The following LRRTM4 variants were observed in gnomAD, a reference collection of about 807,000 sequenced individuals.
LRRTM4 encodes leucine-rich repeat transmembrane neuronal protein 4.
Under a neutral mutation model 47.6 loss-of-function variants are expected in LRRTM4, and 25 were observed. The ratio of observed to expected loss-of-function variants is 0.53; its 90% CI spans 0.38 to 0.73. The LOEUF is 0.73. Ranked by LOEUF, LRRTM4 falls within the 30% of genes least tolerant of loss-of-function variation. The probability of loss-of-function intolerance (pLI) is 0.00; values close to 1 mark genes in which losing one functional copy is unlikely to be tolerated. For synonymous variants in LRRTM4, 311 were observed against 269.5 expected, an observed-to-expected ratio of 1.15 and a Z score of -1.51; for missense variants, 638 against 713.4, an observed-to-expected ratio of 0.89 and a Z score of 1.20.
At chr2:76,823,744 T>C (rs1444572940) in intron 3 of LRRTM4, among the ~76,000 whole-genome samples, 1 of 151,468 alleles carries the variant, frequency 6.6e-6, no homozygotes, top group African/African-American at 2.4e-5. Flanking sequence ...TTTAGTGATA[T>C]ACACATTAAG....
chr2:77,178,067 A>G (rs903901987), intron 3 of LRRTM4, among the ~76,000 whole-genome samples: 2 of 152,340 alleles, frequency 1.3e-5, no homozygotes, highest in East Asian at 3.9e-4. Context: ...TGCCTGACAT[A>G]CAGCAAGTGC....
intron 3 of LRRTM4, among the ~76,000 whole-genome samples, chr2:77,021,110 GTATCTATCTATC>G (rs36108858): frequency 6.6e-6 from 1 of 150,920 alleles, no homozygotes; most frequent in African/African-American, 2.4e-5. Context: ...ATCTATCTAT[GTATCTATCTATC>G]TATCTATCTA....
intron 3 of LRRTM4, among the ~76,000 whole-genome samples, chr2:77,507,331 G>C (rs1678813731): frequency 2.6e-5 from 4 of 152,046 alleles, no homozygotes; most frequent in Non-Finnish European, 5.9e-5. Context: ...AAAACTCAGT[G>C]AGAAAGAGAA....
At chr2:77,112,347 T>C (rs1671274201) in intron 3 of LRRTM4, among the ~76,000 whole-genome samples, 1 of 152,240 alleles carries the variant, frequency 6.6e-6, no homozygotes, top group South Asian at 2.1e-4. Flanking sequence ...GCCACCAGTT[T>C]CTACTGAGAT....
intron 3 of LRRTM4, among the ~76,000 whole-genome samples, chr2:76,934,399 A>G (rs1674872174): frequency 6.6e-6 from 1 of 152,186 alleles, no homozygotes; most frequent in Admixed American, 6.6e-5. Context: ...TATGACAGTA[A>G]TGTGACTAGG....
intron 3 of LRRTM4, among the ~76,000 whole-genome samples, chr2:76,854,163 G>A (rs1212927762): frequency 6.6e-6 from 1 of 152,076 alleles, no homozygotes; most frequent in Admixed American, 6.6e-5. Context: ...TATGATTACT[G>A]TAAAGCAGTA....
chr2:77,267,697 A>G (rs890776746), intron 3 of LRRTM4, among the ~76,000 whole-genome samples: 1 of 25,446 alleles, frequency 3.9e-5, no homozygotes, highest in Non-Finnish European at 6.0e-5. Context: ...GTTCTTCCAG[A>G]ATATTTTTTT....
chr2:76,940,515 T>C (rs1394923823), intron 3 of LRRTM4, among the ~76,000 whole-genome samples: 1 of 151,954 alleles, frequency 6.6e-6, no homozygotes, highest in African/African-American at 2.4e-5. Flanking sequence ...AGGGAGGGGA[T>C]CAGGAAAAAT....
intron 3 of LRRTM4, among the ~76,000 whole-genome samples, chr2:76,913,449 T>G (rs11903703): frequency 9.2e-5 from 14 of 152,042 alleles, no homozygotes. Flanking sequence ...AACCTTTACA[T>G]TGAAAATGTT....
chr2:77,160,107 T>A (rs1209645410), intron 3 of LRRTM4, among the ~76,000 whole-genome samples: 1 of 152,202 alleles, frequency 6.6e-6, no homozygotes, highest in Non-Finnish European at 1.5e-5. Flanking sequence ...AGCCCTCACC[T>A]TTTTTGCCAT....
intron 3 of LRRTM4, among the ~76,000 whole-genome samples, chr2:77,360,453 A>G (rs1348425776): frequency 1.3e-5 from 2 of 151,022 alleles, no homozygotes; most frequent in Non-Finnish European, 2.9e-5. Context: ...GCGAGACTCC[A>G]TCTCAAAAAA....
At chr2:76,968,031 G>C (rs1332168738) in intron 3 of LRRTM4, among the ~76,000 whole-genome samples, 1 of 150,602 alleles carries the variant, frequency 6.6e-6, no homozygotes, top group Admixed American at 6.6e-5. Flanking sequence ...AGGCAAAAAT[G>C]GATAAAAAGA....
At chr2:77,420,623 G>GATATAT (rs148530177) in intron 3 of LRRTM4, among the ~76,000 whole-genome samples, 8 of 145,938 alleles carry the variant, frequency 5.5e-5, no homozygotes, top group African/African-American at 2.0e-4. Flanking sequence ...TAGTGTATGT[G>GATATAT]ATATATATAT....
intron 3 of LRRTM4, among the ~76,000 whole-genome samples, chr2:77,415,428 G>C (rs534346324): frequency 6.6e-6 from 1 of 152,070 alleles, no homozygotes; most frequent in East Asian, 1.9e-4. Flanking sequence ...TGTCAGTTTT[G>C]TAACTATCAA....
At chr2:77,147,998 A>G (rs141915633) in intron 3 of LRRTM4, among the ~76,000 whole-genome samples, 2 of 152,268 alleles carry the variant, frequency 1.3e-5, no homozygotes, top group African/African-American at 2.4e-5. Context: ...CATAATGGAA[A>G]AAATTTGCAA....
intron 3 of LRRTM4, among the ~76,000 whole-genome samples, chr2:77,360,540 ACAAT>A (rs1431090993): frequency 3.8e-5 from 5 of 131,692 alleles, no homozygotes; most frequent in African/African-American, 1.2e-4. Context: ...ACGATACAAT[ACAAT>A]CATTCATACA....
chr2:76,895,752 T>C (rs1234182025), intron 3 of LRRTM4, among the ~76,000 whole-genome samples: 1 of 151,488 alleles, frequency 6.6e-6, no homozygotes, highest in Non-Finnish European at 1.5e-5. Flanking sequence ...ACATTGGTGG[T>C]GATGAGCCCA....
chr2:77,419,933 G>A (rs1197874736), intron 3 of LRRTM4, among the ~76,000 whole-genome samples: 1 of 152,124 alleles, frequency 6.6e-6, no homozygotes, highest in African/African-American at 2.4e-5. Flanking sequence ...TTGTACTGTA[G>A]CCCCATTCCC....
At chr2:77,348,456 T>A (rs1671646802) in intron 3 of LRRTM4, among the ~76,000 whole-genome samples, 1 of 150,650 alleles carries the variant, frequency 6.6e-6, no homozygotes, top group Admixed American at 6.6e-5. Context: ...TTTAATATTA[T>A]AAAATAAAAT....
Sources: gnomAD v4.1 joint callset for allele counts (sites outside exome capture counted in the v4.1 genomes callset) on GRCh38, gnomAD v4.1.1 for gene constraint, MANE v1.5 for transcripts, NCBI Gene and HGNC (gene_info 2026-07-23, HGNC 2026-07-21) for gene names.